The following INPP5A variants were observed in gnomAD, a reference collection of about 807,000 sequenced individuals.
INPP5A encodes 43 kDa inositol polyphosphate 5-phophatase.
Under a neutral mutation model 65.2 loss-of-function variants are expected in INPP5A, and 14 were observed. The ratio of observed to expected loss-of-function variants is 0.21; its 90% CI spans 0.14 to 0.34. The LOEUF (loss-of-function observed/expected upper bound fraction) is 0.34. Ranked by LOEUF, INPP5A falls within the 10% of genes least tolerant of loss-of-function variation. INPP5A has a pLI of 1.00. For synonymous variants in INPP5A, 207 were observed against 208.3 expected, an observed-to-expected ratio of 0.99 and a Z score of 0.05; for missense variants, 431 against 545.6, an observed-to-expected ratio of 0.79 and a Z score of 2.09.
intron 8 of INPP5A, among the ~76,000 whole-genome samples, chr10:132,712,995 GGT>G (rs1337756208): frequency 7.0e-6 from 1 of 142,186 alleles, no homozygotes; most frequent in African/African-American, 3.0e-5. Context: ...TGTGTGCTAA[GGT>G]GTATGCATGT....
At chr10:132,691,652 C>T (rs1191630186) in intron 5 of INPP5A, among the ~76,000 whole-genome samples, 1 of 152,242 alleles carries the variant, frequency 6.6e-6, no homozygotes, top group Non-Finnish European at 1.5e-5. Context: ...ATACACACTT[C>T]ACTCTAGCAA....
intron 2 of INPP5A, among the ~76,000 whole-genome samples, chr10:132,611,944 GAGGAGGGTGT>G (rs2071962576): frequency 7.1e-6 from 1 of 141,782 alleles, no homozygotes; most frequent in Non-Finnish European, 1.5e-5. Context: ...GGCCCTGTCA[GAGGAGGGTGT>G]GGGAGGTGAG....
At chr10:132,670,030 C>T (rs1185745620) in intron 4 of INPP5A, among the ~76,000 whole-genome samples, 1 of 146,132 alleles carries the variant, frequency 6.8e-6, no homozygotes, top group African/African-American at 2.5e-5. Flanking sequence ...GACCCCACAC[C>T]CCCAGCCCCC....
chr10:132,595,201 C>T (rs1157199618), intron 1 of INPP5A, among the ~76,000 whole-genome samples: 1 of 152,210 alleles, frequency 6.6e-6, no homozygotes, highest in Non-Finnish European at 1.5e-5. Flanking sequence ...CAGGGGCCAG[C>T]TGTGCCTTTG....
At chr10:132,692,878 A>C (rs1845290274) in intron 5 of INPP5A, among the ~76,000 whole-genome samples, 1 of 152,222 alleles carries the variant, frequency 6.6e-6, no homozygotes, top group Non-Finnish European at 1.5e-5. Context: ...GAGAGGGAAT[A>C]AGTGAAGGTA....
chr10:132,774,442 G>A (rs1290291215), intron 12 of INPP5A, among the ~76,000 whole-genome samples: 6 of 152,332 alleles, frequency 3.9e-5, no homozygotes, highest in South Asian at 2.1e-4. Flanking sequence ...GTGAGGCTGC[G>A]CTCCTGCCGC....
chr10:132,573,876 G>T (rs550200506), intron 1 of INPP5A, among the ~76,000 whole-genome samples: 2 of 138,530 alleles, frequency 1.4e-5, no homozygotes, highest in Non-Finnish European at 1.5e-5. Context: ...AGATGTTGGG[G>T]TGTGTGTGCC....
rs765183286 is a variant in INPP5A, at chr10:132,555,882, A to G, written c.75+17711A>G. 2.4e-4 allele frequency among the ~76,000 whole-genome samples: 36 copies of G among 152,168 alleles called. No homozygotes were observed. The highest frequency in any genetic ancestry group is 4.6e-4 in the Admixed American group (7 of 15,280). On this transcript the variant is annotated intron_variant, in intron 1 of 15. Coordinates refer to ENST00000368594, the MANE Select transcript of INPP5A (RefSeq NM_005539.5). This position sits in a 1 kb window ranked among gnomAD's most constrained non-coding sequence, Gnocchi z 4.4. ...GGAATCTGCGTCACAGATGAAAAAC[A>G]CGCGTTTCCCCTTTTCGTAAGAGGA...
chr10:132,775,979 G>T (rs1335934581), intron 12 of INPP5A, among the ~76,000 whole-genome samples: 1 of 152,054 alleles, frequency 6.6e-6, no homozygotes, highest in Non-Finnish European at 1.5e-5. Context: ...GGCAGTGGAC[G>T]TGTGTGCGGA....
intron 11 of INPP5A, among the ~76,000 whole-genome samples, chr10:132,761,764 C>T (rs577505156): frequency 2.6e-5 from 4 of 152,132 alleles, no homozygotes; most frequent in African/African-American, 7.2e-5. Flanking sequence ...CCACCAAAGA[C>T]GATCTTACAG....
At chr10:132,729,127 A>G (rs1218358081) in intron 9 of INPP5A, among the ~76,000 whole-genome samples, 2 of 152,232 alleles carry the variant, frequency 1.3e-5, no homozygotes, top group Admixed American at 1.3e-4. Flanking sequence ...GGCAACTCCT[A>G]TGAAGGACTG....
intron 9 of INPP5A, among the ~76,000 whole-genome samples, chr10:132,738,260 G>T (rs1590971167): frequency 6.6e-6 from 1 of 152,252 alleles, no homozygotes; most frequent in East Asian, 1.9e-4. Context: ...GCAGGGGGTT[G>T]CTGGAGACCC....
intron 12 of INPP5A, among the ~76,000 whole-genome samples, chr10:132,769,163 C>T (rs1846906490): frequency 6.6e-6 from 1 of 152,248 alleles, no homozygotes; most frequent in African/African-American, 2.4e-5. Flanking sequence ...CCACTGATCC[C>T]ATGGATGAAT....
rs958796309 is a variant in INPP5A, at chr10:132,704,024, C to T, written c.475-4289C>T. ...GCACGGCTTCACCCCCCCACACACG[C>T]GTGGCTTCACCCCCACACACACGCA... is the stretch of plus-strand genomic sequence containing the variant. On this transcript the variant is annotated intron_variant, in intron 6 of 15. Coordinates refer to ENST00000368594, the MANE Select transcript of INPP5A (RefSeq NM_005539.5). This position sits in a 1 kb window ranked among gnomAD's most constrained non-coding sequence, Gnocchi z 4.5. 5.4e-5 allele frequency among the ~76,000 whole-genome samples: 8 copies of T among 147,484 alleles called. No individual in the cohort carries two copies. Among genetic ancestry groups the T allele is most frequent in the Admixed American group, 1.3e-4 (2 of 14,838 alleles).
intron 11 of INPP5A, among the ~76,000 whole-genome samples, chr10:132,761,587 G>A (rs916136182): frequency 1.2e-4 from 19 of 152,050 alleles, no homozygotes; most frequent in African/African-American, 2.7e-4. Context: ...ACGGTGGGGC[G>A]GAGCCTGGGG....
intron 1 of INPP5A, among the ~76,000 whole-genome samples, chr10:132,542,859 G>A (rs963177569): frequency 2.6e-5 from 4 of 152,148 alleles, no homozygotes; most frequent in Admixed American, 1.3e-4. Context: ...GCTGGAGTGC[G>A]GTGGCTCACT....
At chr10:132,766,956 G>T (rs1445319822) in intron 12 of INPP5A, among the ~76,000 whole-genome samples, 24 of 146,374 alleles carry the variant, frequency 1.6e-4, no homozygotes, top group African/African-American at 5.9e-4. Flanking sequence ...AGCTTGGGTG[G>T]GAGTTGGAGG....
At chr10:132,628,125 G>T (rs928910036) in intron 2 of INPP5A, among the ~76,000 whole-genome samples, 1 of 152,214 alleles carries the variant, frequency 6.6e-6, no homozygotes, top group African/African-American at 2.4e-5. Context: ...CAGACCTCCT[G>T]CCAGTGGTCT....
intron 1 of INPP5A, among the ~76,000 whole-genome samples, chr10:132,586,411 C>T (rs867748766): frequency 2.6e-5 from 4 of 152,216 alleles, no homozygotes; most frequent in South Asian, 2.1e-4. Flanking sequence ...AGCTCCGTGG[C>T]GACCTCGTCA....
Sources: gnomAD v4.1 joint callset for allele counts (sites outside exome capture counted in the v4.1 genomes callset) on GRCh38, gnomAD v4.1.1 for gene constraint, Gnocchi (gnomAD v3.1) non-coding constraint, MANE v1.5 for transcripts, NCBI Gene and HGNC (gene_info 2026-07-23, HGNC 2026-07-21) for gene names.